ADAM29: variants seen among roughly 807,000 people sequenced by gnomAD.
ADAM29 encodes disintegrin and metalloproteinase domain-containing protein 29.
For missense variants in ADAM29, 969 were observed against 1,001.8 expected (o/e 0.97, Z 0.44); for synonymous variants, 367 against 342.3 (o/e 1.07, Z -0.80).
intron 2 of ADAM29, chr4:174,924,131 A>T (rs941451061): frequency 3.3e-5 from 5 of 152,232 alleles, no homozygotes; most frequent in African/African-American, 1.2e-4. Context: ...AATCATACCT[A>T]ACACTCAACA....
chr4:174,969,174 T>G (rs2111093202), intron 4 of ADAM29, among the ~76,000 whole-genome samples: 1 of 151,474 alleles, frequency 6.6e-6, no homozygotes, highest in South Asian at 2.1e-4. Context: ...ATTAAAATTT[T>G]TTTTATTATT....
chr4:174,945,899 G>A (rs1744821092), intron 4 of ADAM29, among the ~76,000 whole-genome samples: 1 of 152,086 alleles, frequency 6.6e-6, no homozygotes, highest in African/African-American at 2.4e-5. Context: ...CTGTAGTCTT[G>A]TAGTATATTT....
chr4:174,945,514 T>C (rs925375585), intron 4 of ADAM29, among the ~76,000 whole-genome samples: 5 of 152,256 alleles, frequency 3.3e-5, no homozygotes, highest in South Asian at 2.1e-4. Flanking sequence ...TAGGTCCCAA[T>C]TGTCAATTTT....
At chr4:174,947,462 C>A (rs975736197) in intron 4 of ADAM29, among the ~76,000 whole-genome samples, 7 of 152,106 alleles carry the variant, frequency 4.6e-5, no homozygotes, top group African/African-American at 1.7e-4. Flanking sequence ...TCATTAGTTT[C>A]AAGTAATTTC....
chr4:174,922,225 A>G (rs1247258675), intron 2 of ADAM29, among the ~76,000 whole-genome samples: 4 of 148,686 alleles, frequency 2.7e-5, no homozygotes, highest in Non-Finnish European at 5.9e-5. Flanking sequence ...TAAACAAAAT[A>G]CAATTTTTAA....
chr4:174,943,121 A>C (rs1744639152), intron 4 of ADAM29, among the ~76,000 whole-genome samples: 1 of 152,214 alleles, frequency 6.6e-6, no homozygotes. Context: ...CCTCACCTCC[A>C]CCTGAAACCA....
At chr4:174,933,000 G>T (rs951227941) in intron 3 of ADAM29, among the ~76,000 whole-genome samples, 17 of 151,718 alleles carry the variant, frequency 1.1e-4, no homozygotes, top group African/African-American at 3.9e-4. Context: ...GATTTGGTCA[G>T]ATAAGAGGAG....
At chr4:174,974,127 T>C (rs528053462) in intron 4 of ADAM29, among the ~76,000 whole-genome samples, 2 of 152,278 alleles carry the variant, frequency 1.3e-5, no homozygotes, top group Admixed American at 1.3e-4. Context: ...GCCTGCCAAG[T>C]CTGAAATGGC....
At position 174,975,404 on chromosome 4, in the gene ADAM29, C is replaced by A; in HGVS notation, c.-122C>A. On this transcript the variant is annotated 5_prime_UTR_variant, in exon 5 of 5. Coordinates refer to ENST00000359240, the MANE Select transcript of ADAM29 (RefSeq NM_014269.4). ...GATGGATCTTTAATGATTAGCACTA[C>A]ACACTGACCAACTCAGAAGAAGGAG... is the stretch of plus-strand genomic sequence containing the variant. The A allele has an allele frequency of 1.1e-6, 1 of 936,618 alleles. No individual in the cohort carries two copies. The highest frequency in any genetic ancestry group is 1.5e-6 in the Non-Finnish European group (1 of 656,556). 58.0% of individuals were successfully genotyped at this position (936,618 alleles called of 1,614,324 possible).
In ADAM29 at chr4:174,975,826, T is replaced by C; in HGVS notation, c.301T>C (p.Tyr101His). 1 of 1,614,178 alleles carries C rather than the reference T, an allele frequency of 6.2e-7. No individual in the cohort carries two copies. The highest frequency in any genetic ancestry group is 8.5e-7 in the Non-Finnish European group (1 of 1,180,014). The change falls in exon 5 of 5, where the codon TAC becomes CAC. Residue 101 changes from tyrosine (Y) to histidine (H), a missense_variant. Physicochemically the swap from Tyr to His is moderately conservative, Grantham distance 83. Transcript: ENST00000359240. ...CCAGCCATTTGTCCAGAATAACTGC[T>C]ACTATCATGGTTATGTGGAAGGGGA... ...EDQPFVQNNC[Y>H]YHGYVEGDPE... is the part of the protein sequence containing the mutation.
chr4:174,975,731 T>C lies in ADAM29; in HGVS notation c.206T>C (p.Val69Ala), dbSNP rs1215083251. The C allele has an allele frequency of 1.9e-6, 3 of 1,612,350 alleles. No individual in the cohort carries two copies. Among genetic ancestry groups the C allele is most frequent in the East Asian group, 2.2e-5 (1 of 44,870 alleles). Residue 69 changes from valine (V) to alanine (A), a missense_variant, in exon 5 of 5, where the codon GTC (valine) becomes GCC (alanine). By Grantham distance (64) the Val-to-Ala change is moderately conservative. Transcript: ENST00000359240. ...CAGAAACACATTATCCACATAAAGG[T>C]CAAGAAGCTTTTGTTTTCCAAACAC... ...GGQKHIIHIK[V>A]KKLLFSKHLP... is the part of the protein sequence containing the mutation.
intron 4 of ADAM29, among the ~76,000 whole-genome samples, chr4:174,967,440 TA>T (rs1303714680): frequency 1.3e-5 from 2 of 152,224 alleles, no homozygotes; most frequent in East Asian, 3.8e-4. Flanking sequence ...CCTCTTTTGC[TA>T]TTTTCCAAAA....
intron 3 of ADAM29, among the ~76,000 whole-genome samples, chr4:174,933,994 A>G (rs1031363689): frequency 4.6e-5 from 7 of 152,178 alleles, no homozygotes; most frequent in African/African-American, 1.7e-4. Flanking sequence ...TATACCCAGT[A>G]ATATGATTGC....
At chr4:174,947,938 C>G (rs1324002877) in intron 4 of ADAM29, among the ~76,000 whole-genome samples, 1 of 152,154 alleles carries the variant, frequency 6.6e-6, no homozygotes, top group African/African-American at 2.4e-5. Context: ...CTCTGGGATT[C>G]TTTCCTCAGT....
intron 2 of ADAM29, among the ~76,000 whole-genome samples, chr4:174,928,296 G>C (rs78151162): frequency 0.012 from 1,807 of 152,134 alleles, 33 homozygotes; most frequent in African/African-American, 0.042. Flanking sequence ...CAGGGTGGGG[G>C]AGCTGAGATG....
chr4:174,952,164 A>G (rs1745215960), intron 4 of ADAM29, among the ~76,000 whole-genome samples: 1 of 152,118 alleles, frequency 6.6e-6, no homozygotes, highest in Non-Finnish European at 1.5e-5. Flanking sequence ...TAAAAAGAAA[A>G]CAACCTTATT....
intron 4 of ADAM29, among the ~76,000 whole-genome samples, chr4:174,951,482 C>A (rs1335894961): frequency 1.3e-5 from 2 of 152,058 alleles, no homozygotes; most frequent in Non-Finnish European, 2.9e-5. Context: ...CTTAGGAAGC[C>A]TTTTGTATAA....
intron 2 of ADAM29, among the ~76,000 whole-genome samples, chr4:174,921,511 C>T (rs1390518660): frequency 6.6e-6 from 1 of 152,112 alleles, no homozygotes; most frequent in African/African-American, 2.4e-5. Flanking sequence ...TGAATGGTCC[C>T]CAACAACCAA....
At chr4:174,942,620 G>A (rs1744603456) in intron 4 of ADAM29, among the ~76,000 whole-genome samples, 2 of 152,106 alleles carry the variant, frequency 1.3e-5, no homozygotes, top group Non-Finnish European at 2.9e-5. Context: ...AGAGCAGTTG[G>A]GCCCTGAGTC....
Sources: gnomAD v4.1 joint callset for allele counts (sites outside exome capture counted in the v4.1 genomes callset) on GRCh38, gnomAD v4.1.1 for gene constraint, MANE v1.5 for transcripts, NCBI Gene and HGNC (gene_info 2026-07-23, HGNC 2026-07-21) for gene names.